The following KALRN variants were observed in gnomAD, a reference collection of about 807,000 sequenced individuals.
KALRN encodes the protein kalirin RhoGEF kinase, also known as kalirin.
In KALRN, 70 loss-of-function variants were observed where a neutral mutation model predicts 353.7. The ratio of observed to expected loss-of-function variants is 0.20; its 90% confidence interval spans 0.16 to 0.24. The LOEUF is 0.24. Among genes scored for constraint, KALRN ranks in the 10% least tolerant of loss-of-function variants. KALRN has a pLI of 1.00. For synonymous variants in KALRN, 1,391 were observed against 1,434.8 expected (o/e 0.97, Z 0.69); for missense variants, 2,791 against 3,756.7 (o/e 0.74, Z 6.72).
chr3:124,572,569 G>T (rs73189597), intron 34 of KALRN, among the ~76,000 whole-genome samples: 12,181 of 152,216 alleles, frequency 0.08, 591 homozygotes, highest in East Asian at 0.14. Context: ...CCTGGGTTTA[G>T]CTTCCACATT....
At chr3:124,341,271 G>C (rs1264533560) in intron 9 of KALRN, among the ~76,000 whole-genome samples, 1 of 152,230 alleles carries the variant, frequency 6.6e-6, no homozygotes, top group Non-Finnish European at 1.5e-5. Flanking sequence ...GCCTGCTGTA[G>C]TGGCAAGGAG....
At position 124,120,709 on chromosome 3, in the gene KALRN, AAAATATATATAT is replaced by A. The variant is rs1350738867; in HGVS notation, c.73+86898_73+86909del. Among the ~76,000 whole-genome samples, 318 of 112,746 alleles carry A rather than the reference AAAATATATATAT, an allele frequency of 2.8e-3. 9 individuals are homozygous for A. Among genetic ancestry groups the A allele is most frequent in the African/African-American group, 6.7e-3 (171 of 25,634 alleles). 74.0% of individuals were successfully genotyped at this position (112,746 alleles called of 152,430 possible). A position where few individuals can be genotyped will look rare whatever the true frequency, so the allele number is the denominator to read the frequency against. Reference sequence around the variant, plus strand: ...ACTTACAATCCAGATAGGAATACTAAAAATATATATATATATATATATATATATATATATATT... The same window carrying A: ...ACTTACAATCCAGATAGGAATACTAAATATATATATATATATATATATATT... On this transcript the variant is annotated intron_variant, in intron 1 of 59. Coordinates refer to ENST00000682506, the MANE Select transcript of KALRN (RefSeq NM_001388419.1).
Position 124,357,937 on chromosome 3 carries a change from TC to T in KALRN, c.1770+10673del, listed in dbSNP as rs1321181550. ...TGGGCGGATATCAGGCCAGATGATC[TC>T]TGAGGTCCCTCTCAACTCTAAGAAT... On this transcript the variant is annotated intron_variant, in intron 10 of 59. Transcript: ENST00000682506. Among the ~76,000 whole-genome samples, 9 of 152,314 alleles carry T rather than the reference TC, an allele frequency of 5.9e-5. No individual in the cohort carries two copies. The East Asian group carries it at 7.7e-4, about 13-fold the overall frequency.
chr3:124,245,160 G>A (rs1036817844), intron 3 of KALRN, among the ~76,000 whole-genome samples: 3 of 151,788 alleles, frequency 2.0e-5, no homozygotes, highest in South Asian at 2.1e-4. Flanking sequence ...TCTTCCCAGC[G>A]TCTGGTAATC....
rs77786409 is a variant in KALRN, at chr3:124,540,604, T to A, written c.4936-22239T>A. ...ATCTTTTAGTCCAACCCTTTTGTTT[T>A]ACAGATGCAATAACCGTGGCTTAGA... On this transcript the variant is annotated intron_variant, in intron 33 of 59. Coordinates refer to ENST00000682506, the MANE Select transcript of KALRN (RefSeq NM_001388419.1). Among the ~76,000 whole-genome samples, 1,184 of 152,350 alleles carry A rather than the reference T, an allele frequency of 7.8e-3. 8 individuals are homozygous for A. The highest frequency in any genetic ancestry group is 8.5e-3 in the African/African-American group (354 of 41,588).
chr3:124,360,585 A>T (rs1434831898), intron 10 of KALRN, among the ~76,000 whole-genome samples: 3 of 152,226 alleles, frequency 2.0e-5, no homozygotes, highest in Non-Finnish European at 4.4e-5. Context: ...TCTCTCAGAG[A>T]GCATTGGCAT....
chr3:124,089,303 A>G (rs2060982014), intron 1 of KALRN, among the ~76,000 whole-genome samples: 2 of 152,154 alleles, frequency 1.3e-5, no homozygotes, highest in African/African-American at 4.8e-5. Flanking sequence ...TGGAGAGAGC[A>G]GGTAGAGGTT....
At chr3:124,143,936 T>C (rs955542923) in intron 1 of KALRN, among the ~76,000 whole-genome samples, 2 of 152,208 alleles carry the variant, frequency 1.3e-5, no homozygotes, top group Admixed American at 6.5e-5. Flanking sequence ...AGCTATTAGA[T>C]GGGCAGTAAG....
intron 1 of KALRN, among the ~76,000 whole-genome samples, chr3:124,190,101 G>A (rs2074726700): frequency 6.6e-6 from 1 of 152,160 alleles, no homozygotes. Context: ...AAGCAGGTCA[G>A]ATCCCACTTA....
intron 1 of KALRN, among the ~76,000 whole-genome samples, chr3:124,091,024 G>A (rs2061086943): frequency 2.0e-5 from 3 of 152,214 alleles, no homozygotes; most frequent in Admixed American, 1.3e-4. Flanking sequence ...AAGCTGTCAT[G>A]GGAGAGACTG....
chr3:124,310,879 T>C (rs964204419), intron 6 of KALRN, among the ~76,000 whole-genome samples: 1 of 152,242 alleles, frequency 6.6e-6, no homozygotes, highest in East Asian at 1.9e-4. Context: ...AAGGGAGTTA[T>C]GTCTGCAATC....
At chr3:124,332,305 A>T (rs947155083) in intron 8 of KALRN, among the ~76,000 whole-genome samples, 3 of 152,050 alleles carry the variant, frequency 2.0e-5, no homozygotes, top group Non-Finnish European at 4.4e-5. Flanking sequence ...CAGGGACCAA[A>T]GGAGGGGTGA....
At chr3:124,053,743 C>T (rs1241913378) in intron 1 of KALRN, among the ~76,000 whole-genome samples, 2 of 152,208 alleles carry the variant, frequency 1.3e-5, no homozygotes, top group Non-Finnish European at 1.5e-5. Context: ...CATGATGTTG[C>T]TCATGCTTTG....
intron 1 of KALRN, among the ~76,000 whole-genome samples, chr3:124,042,971 A>G (rs990686171): frequency 2.6e-5 from 4 of 152,218 alleles, no homozygotes; most frequent in African/African-American, 7.2e-5. Context: ...TTGTATATAC[A>G]GGGGTATCTA....
chr3:124,680,659 G>T (rs1237176543), intron 51 of KALRN, among the ~76,000 whole-genome samples: 1 of 152,200 alleles, frequency 6.6e-6, no homozygotes, highest in Non-Finnish European at 1.5e-5. Flanking sequence ...ACCCAAGAGA[G>T]ATCATGAGGC....
intron 1 of KALRN, among the ~76,000 whole-genome samples, chr3:124,143,427 G>T (rs2066886504): frequency 6.6e-6 from 1 of 152,198 alleles, no homozygotes; most frequent in Non-Finnish European, 1.5e-5. Flanking sequence ...GGAGTATGAG[G>T]CTTGTTTTCT....
intron 1 of KALRN, among the ~76,000 whole-genome samples, chr3:124,204,475 C>T (rs543628420): frequency 9.8e-5 from 15 of 152,328 alleles, no homozygotes; most frequent in African/African-American, 3.6e-4. Context: ...GAAATGAATG[C>T]AGGCTTACTG....
intron 34 of KALRN, among the ~76,000 whole-genome samples, chr3:124,613,528 T>C (rs2078237769): frequency 6.6e-6 from 1 of 152,186 alleles, no homozygotes; most frequent in African/African-American, 2.4e-5. Flanking sequence ...GAGTTTCTGG[T>C]CCCAATTATG....
chr3:124,639,699 T>C (rs2081806695), intron 37 of KALRN, among the ~76,000 whole-genome samples: 1 of 152,218 alleles, frequency 6.6e-6, no homozygotes, highest in South Asian at 2.1e-4. Context: ...GGCTTTATTA[T>C]AGGCTCTCAA....
Sources: gnomAD v4.1 joint callset for allele counts (sites outside exome capture counted in the v4.1 genomes callset) on GRCh38, gnomAD v4.1.1 for gene constraint, MANE v1.5 for transcripts, NCBI Gene and HGNC (gene_info 2026-07-23, HGNC 2026-07-21) for gene names.